Variants in MAD1L1 observed in about 807,000 individuals in gnomAD.
MAD1L1 encodes mitotic spindle assembly checkpoint protein MAD1.
A neutral mutation model predicts 96.9 loss-of-function variants in MAD1L1; 95 were observed. That is an observed-to-expected ratio of 0.98 (90% CI 0.83 to 1.16). MAD1L1 has a LOEUF of 1.16. Ranked by LOEUF, MAD1L1 falls within the 50% of genes most tolerant of loss-of-function variation. The pLI is 0.00. For missense variants in MAD1L1, 1,007 were observed against 954.4 expected (o/e 1.06, Z -0.73); for synonymous variants, 473 against 396.6 (o/e 1.19, Z -2.29).
At chr7:2,000,409 T>C (rs1781740447) in intron 14 of MAD1L1, among the ~76,000 whole-genome samples, 1 of 151,938 alleles carries the variant, frequency 6.6e-6, no homozygotes, top group Admixed American at 6.6e-5. Context: ...CACCACCTCC[T>C]CCACCCATGA....
intron 11 of MAD1L1, among the ~76,000 whole-genome samples, chr7:2,094,949 C>T (rs926474273): frequency 6.6e-6 from 1 of 152,140 alleles, no homozygotes; most frequent in Non-Finnish European, 1.5e-5. Context: ...GTGCAGCTCT[C>T]TATATACACA....
At chr7:1,998,060 A>C (rs1029659524) in intron 14 of MAD1L1, among the ~76,000 whole-genome samples, 1 of 152,220 alleles carries the variant, frequency 6.6e-6, no homozygotes, top group African/African-American at 2.4e-5. Flanking sequence ...AATAAGGAAC[A>C]GAAATTATAT....
intron 10 of MAD1L1, among the ~76,000 whole-genome samples, chr7:2,180,851 T>C (rs940682983): frequency 6.6e-6 from 1 of 152,164 alleles, no homozygotes; most frequent in South Asian, 2.1e-4. Context: ...ATAGAGACAG[T>C]TTTCTTCTTC....
At chr7:1,938,957 C>T (rs1217505177) in intron 16 of MAD1L1, among the ~76,000 whole-genome samples, 1 of 143,766 alleles carries the variant, frequency 7.0e-6, no homozygotes, top group African/African-American at 2.6e-5. Context: ...ACCAGAGGCG[C>T]ACACACACGG....
At chr7:2,231,569 T>C (rs140877988) in intron 1 of MAD1L1, among the ~76,000 whole-genome samples, 15 of 152,094 alleles carry the variant, frequency 9.9e-5, no homozygotes, top group Middle Eastern at 3.4e-3. Flanking sequence ...ATCGCGCCAC[T>C]GCATTCCAGC....
chr7:1,845,468 C>T, intron 18 of MAD1L1: 1 of 74,004 alleles, frequency 1.4e-5, no homozygotes, highest in Non-Finnish European at 2.8e-5. Flanking sequence ...GGACGTGCTC[C>T]ACGCAGAGAC....
chr7:1,821,505 T>A (rs1432497403), intron 18 of MAD1L1, among the ~76,000 whole-genome samples: 1 of 152,072 alleles, frequency 6.6e-6, no homozygotes, highest in Non-Finnish European at 1.5e-5. Context: ...AGTATCAGTC[T>A]CTCATGAGCT....
intron 11 of MAD1L1, among the ~76,000 whole-genome samples, chr7:2,129,175 C>T (rs545998903): frequency 9.7e-4 from 147 of 152,262 alleles, no homozygotes; most frequent in African/African-American, 3.0e-3. Context: ...CGCAGGATCC[C>T]GGGGGAGCTG....
At chr7:2,206,772 C>T (rs1792616107) in intron 10 of MAD1L1, among the ~76,000 whole-genome samples, 1 of 151,726 alleles carries the variant, frequency 6.6e-6, no homozygotes, top group Non-Finnish European at 1.5e-5. Flanking sequence ...AGGTACTTTA[C>T]ATTCCCATAG....
intron 18 of MAD1L1, among the ~76,000 whole-genome samples, chr7:1,865,250 AC>A (rs1231740360): frequency 6.6e-6 from 1 of 151,966 alleles, no homozygotes; most frequent in Non-Finnish European, 1.5e-5. Context: ...CCAGCTCTCC[AC>A]AGTGGCTCCT....
chr7:2,164,593 T>TG lies in MAD1L1; in HGVS notation c.987-15356dup, dbSNP rs11335779. Among the ~76,000 whole-genome samples the TG allele has an allele frequency of 8.0e-3, 636 of 79,216 alleles. 30 individuals are homozygous for TG. The highest frequency in any genetic ancestry group is 0.019 in the South Asian group (43 of 2,216). The allele number at this position is 79,216 out of a possible 152,430, so 52.0% of individuals were successfully genotyped here. On this transcript the variant is annotated intron_variant, in intron 10 of 18. Transcript: ENST00000265854. ...AAACCACACTAAGAAGCAGGAAAAATGGGGGGGGGGGGGGTTGCGGGTGGT... is the reference window on the plus strand; with the variant it reads ...AAACCACACTAAGAAGCAGGAAAAATGGGGGGGGGGGGGGGTTGCGGGTGGT...
chr7:2,211,134 C>A (rs944498282), intron 10 of MAD1L1, among the ~76,000 whole-genome samples: 4 of 152,188 alleles, frequency 2.6e-5, no homozygotes, highest in African/African-American at 9.7e-5. Flanking sequence ...TTCCCGCCCA[C>A]TTTAAGCTGG....
chr7:1,919,378 C>T (rs886926913), intron 17 of MAD1L1, among the ~76,000 whole-genome samples: 1 of 152,264 alleles, frequency 6.6e-6, no homozygotes, highest in African/African-American at 2.4e-5. Context: ...GTCTCCTCTG[C>T]CTTCTCTCCC....
chr7:2,027,757 C>T (rs934081677), intron 12 of MAD1L1, among the ~76,000 whole-genome samples: 4 of 152,188 alleles, frequency 2.6e-5, no homozygotes, highest in African/African-American at 9.7e-5. Flanking sequence ...GTCGTCAGCA[C>T]GATCTTTAAC....
intron 17 of MAD1L1, among the ~76,000 whole-genome samples, chr7:1,920,257 C>T (rs1055723514): frequency 4.6e-5 from 7 of 152,216 alleles, no homozygotes; most frequent in African/African-American, 1.4e-4. Context: ...CGTGCGTGTG[C>T]ATGTGCGTGT....
At chr7:1,830,719 C>A (rs566556817) in intron 18 of MAD1L1, among the ~76,000 whole-genome samples, 12 of 152,262 alleles carry the variant, frequency 7.9e-5, no homozygotes, top group African/African-American at 2.9e-4. Flanking sequence ...TGTTAAAGAT[C>A]TACGTGCCCT....
At chr7:2,232,247 G>A (rs745873692) in intron 1 of MAD1L1, among the ~76,000 whole-genome samples, 1 of 152,252 alleles carries the variant, frequency 6.6e-6, no homozygotes, top group Non-Finnish European at 1.5e-5. Context: ...CAAGAACCTT[G>A]GCCTGGTGCA....
chr7:1,823,795 G>A (rs1295121415), intron 18 of MAD1L1, among the ~76,000 whole-genome samples: 2 of 152,136 alleles, frequency 1.3e-5, no homozygotes, highest in East Asian at 1.9e-4. Flanking sequence ...ATGAGAAGCC[G>A]CAGCTGCTGG....
At chr7:1,945,485 C>G (rs534069484) in intron 16 of MAD1L1, among the ~76,000 whole-genome samples, 4 of 152,314 alleles carry the variant, frequency 2.6e-5, no homozygotes, top group Non-Finnish European at 5.9e-5. Context: ...AACCCTTCTC[C>G]AAGTCGTGGA....
Sources: gnomAD v4.1 joint callset for allele counts (sites outside exome capture counted in the v4.1 genomes callset) on GRCh38, gnomAD v4.1.1 for gene constraint, MANE v1.5 for transcripts, NCBI Gene and HGNC (gene_info 2026-07-23, HGNC 2026-07-21) for gene names.